Variants in MSH6 observed in about 807,000 individuals in gnomAD.
MSH6 encodes the protein DNA mismatch repair protein Msh6.
Under a neutral mutation model 119.1 loss-of-function variants are expected in MSH6, and 85 were observed. The observed-to-expected ratio is 0.71, with a 90% confidence interval of 0.60 to 0.85. The LOEUF (loss-of-function observed/expected upper bound fraction) is 0.85. MSH6 is among the 40% of genes least tolerant of loss of function. The pLI, the probability that MSH6 is intolerant of heterozygous loss-of-function variation, is 0.00. For missense variants in MSH6, 2,163 were observed against 1,655.3 expected, an observed-to-expected ratio of 1.31 and a Z score of -5.32; for synonymous variants, 830 against 586.9, an observed-to-expected ratio of 1.41 and a Z score of -5.99.
intron 8 of MSH6, 32 bp downstream of exon 8, chr2:47,806,390 GGTT>G (rs1271339184): frequency 6.2e-7 from 1 of 1,612,724 alleles, no homozygotes; most frequent in Non-Finnish European, 8.5e-7. Flanking sequence ...CCACAAATTC[GGTT>G]TTTTGAGAGG....
At chr2:47,796,318 G>A (rs1399887924) in intron 3 of MSH6, among the ~76,000 whole-genome samples, 1 of 152,150 alleles carries the variant, frequency 6.6e-6, no homozygotes, top group Non-Finnish European at 1.5e-5. Flanking sequence ...TACCATTTTG[G>A]TAAGAAGTAG....
chr2:47,808,605 A>G (rs768935042), downstream of MSH6: 3 of 519,312 alleles, frequency 5.8e-6, no homozygotes, highest in Admixed American at 3.6e-5. Context: ...TTTTCCTGTC[A>G]TCTGTGTCTT....
Position 47,805,600 on chromosome 2 carries a change from GA to G in MSH6, c.3557-17del, listed in dbSNP as rs778393939. On this transcript the variant is annotated splice_polypyrimidine_tract_variant and intron_variant, in intron 6 of 9. Transcript: ENST00000234420. ...ATTTGCAAAATGAGTATTCATTTGT[GA>G]TTTTTTTTTTTTTAAGGTGAAAGTA... The G allele has an allele frequency of 6.4e-5, 84 of 1,306,490 alleles. No homozygotes were observed. In the East Asian group the frequency reaches 1.7e-3, roughly 27 times the overall value. The allele number at this position is 1,306,490 out of a possible 1,614,324, so 80.9% of individuals were successfully genotyped here. A position where few individuals can be genotyped will look rare whatever the true frequency, so the allele number is the denominator to read the frequency against.
intron 1 of MSH6, among the ~76,000 whole-genome samples, chr2:47,790,412 A>G (rs867262814): frequency 1.2e-4 from 18 of 152,298 alleles, no homozygotes; most frequent in African/African-American, 4.1e-4. Context: ...GGGGAGGGTA[A>G]TAGAGTATTA....
At chr2:47,785,983 ACT>A (rs958106449) in intron 1 of MSH6, among the ~76,000 whole-genome samples, 8 of 152,236 alleles carry the variant, frequency 5.3e-5, no homozygotes, top group African/African-American at 1.9e-4. Flanking sequence ...TGTCTAGATC[ACT>A]CTGCCGAGCA....
intron 1 of MSH6, among the ~76,000 whole-genome samples, chr2:47,786,224 G>A (rs910467989): frequency 2.0e-5 from 3 of 152,166 alleles, no homozygotes; most frequent in African/African-American, 7.2e-5. Context: ...GAAAGGAGGA[G>A]GAGGGAGCAT....
At position 47,793,318 on chromosome 2, in the gene MSH6, C is replaced by CTCA. The variant is rs1441753856; in HGVS notation, c.457+2195_457+2196insTCA. On this transcript the variant is annotated intron_variant, in intron 2 of 9. Coordinates refer to ENST00000234420, the MANE Select transcript of MSH6 (RefSeq NM_000179.3). ...CCTGGGTGACAGAGCGAGACTGTCT[C>CTCA]AAAAAAAAAAAAAAAAAAAAAAAAA... 2.9e-3 allele frequency among the ~76,000 whole-genome samples: 140 copies of CTCA among 48,808 alleles called. 1 individual carries two copies. Among genetic ancestry groups the CTCA allele is most frequent in the African/African-American group, 7.1e-3 (84 of 11,750 alleles). The allele number at this position is 48,808 out of a possible 152,430, so 32.0% of individuals were successfully genotyped here.
downstream of MSH6, chr2:47,809,494 G>C: frequency 1.2e-6 from 1 of 836,744 alleles, no homozygotes; most frequent in Non-Finnish European, 1.9e-6. Context: ...ATCTTAAACT[G>C]TTGCTAACTT....
At chr2:47,794,964 T>G (rs1668981189) in intron 2 of MSH6, among the ~76,000 whole-genome samples, 1 of 152,106 alleles carries the variant, frequency 6.6e-6, no homozygotes, top group South Asian at 2.1e-4. Context: ...CCAGCTAATT[T>G]TTGTATTTTT....
rs1670110153 is a variant in MSH6, at chr2:47,806,523, G to T, written c.3873G>T (p.Lys1291Asn). ...TTACGTTCCTCTATAAATTCATTAA[G>T]GGAGCTTGTCCTAAAAGCTATGGCT... is the stretch of plus-strand genomic sequence containing the variant. ...ETITFLYKFI[K>N]GACPKSYGFN... Residue 1291 changes from lysine to asparagine, a missense_variant, in exon 9 of 10, where the codon AAG becomes AAT. Lys to Asn is a moderately conservative substitution (Grantham distance 94). Coordinates refer to ENST00000234420, the MANE Select transcript of MSH6 (RefSeq NM_000179.3). The T allele has an allele frequency of 6.2e-7, 1 of 1,613,966 alleles. No individual in the cohort carries two copies. Among genetic ancestry groups the T allele is most frequent in the Non-Finnish European group, 8.5e-7 (1 of 1,179,958 alleles).
rs1670210326 is a variant in MSH6, at chr2:47,806,790, T to C, written c.4013T>C (p.Leu1338Pro). Residue 1338 changes from leucine to proline, a missense_variant, in exon 10 of 10, where the codon CTG becomes CCG. Physicochemically the swap from Leu to Pro is moderately conservative, Grantham distance 98 (BLOSUM62 -3). Coordinates refer to ENST00000234420, the MANE Select transcript of MSH6 (RefSeq NM_000179.3). ...TTTTTAATTTTAAGGGAAGTTTGCC[T>C]GGCTAGTGAAAGGTCAACTGTAGAT... ...QSLRLFREVC[L>P]ASERSTVDAE... 6.2e-7 allele frequency: 1 copy of C among 1,605,042 alleles called. No homozygotes were observed. The highest frequency in any genetic ancestry group is 8.5e-7 in the Non-Finnish European group (1 of 1,176,124).
intron 2 of MSH6, among the ~76,000 whole-genome samples, chr2:47,795,488 CAG>C (rs1046147329): frequency 5.1e-5 from 7 of 136,058 alleles, no homozygotes; most frequent in Non-Finnish European, 7.8e-5. Context: ...TTCATCGAGA[CAG>C]GGTCTTGCAC....
rs773995995 is a variant in MSH6, at chr2:47,783,208, A to G, written c.-26A>G. On this transcript the variant is annotated 5_prime_UTR_variant, in exon 1 of 10. Coordinates refer to ENST00000234420, the MANE Select transcript of MSH6 (RefSeq NM_000179.3). ...GCTTTTAGGAGCTCCGTCCGACAGAACGGTTGGGCCTTGCCGGCTGTCGGT... is the reference window on the plus strand; with the variant it reads ...GCTTTTAGGAGCTCCGTCCGACAGAGCGGTTGGGCCTTGCCGGCTGTCGGT... 1.1e-5 allele frequency: 18 copies of G among 1,609,972 alleles called. No homozygotes were observed. In the East Asian group the frequency reaches 3.6e-4, roughly 32 times the overall value.
chr2:47,804,892 T>C lies in MSH6; in HGVS notation c.3439-18T>C. 6.3e-7 allele frequency: 1 copy of C among 1,591,010 alleles called. No individual in the cohort carries two copies. The highest frequency in any genetic ancestry group is 1.3e-5 in the African/African-American group (1 of 74,628). On this transcript the variant is annotated intron_variant, in intron 5 of 9. Transcript: ENST00000234420. ...GTTACTACCAGTCATAAAAGACCTT[T>C]TCCTCCCTCATTCACAGGCTGGCTT... is the stretch of plus-strand genomic sequence containing the variant.
chr2:47,785,448 CCT>C (rs1668295624), intron 1 of MSH6, among the ~76,000 whole-genome samples: 1 of 151,200 alleles, frequency 6.6e-6, no homozygotes, highest in South Asian at 2.1e-4. Flanking sequence ...AAACTGCTGA[CCT>C]CAAGTGGTCC....
In MSH6 at chr2:47,800,754, C is replaced by G. The variant is rs1553414130; in HGVS notation, c.2771C>G (p.Thr924Ser). The change falls in exon 4 of 10, where the codon ACT (threonine) becomes AGT (serine). Residue 924 changes from threonine to serine, a missense_variant. Thr to Ser is a moderately conservative substitution (Grantham distance 58). Transcript: ENST00000234420. ...TTTGACCATGAAAAGGCTCGAAAGACTGGACTTATTACTCCCAAAGCAGGC... is the reference window on the plus strand; with the variant it reads ...TTTGACCATGAAAAGGCTCGAAAGAGTGGACTTATTACTCCCAAAGCAGGC... ...TAFDHEKARK[T>S]GLITPKAGFD... 2 of 1,614,160 alleles carry G rather than the reference C, an allele frequency of 1.2e-6. No homozygotes were observed. The highest frequency in any genetic ancestry group is 2.2e-5 in the East Asian group (1 of 44,886).
rs876660097 is a variant in MSH6, at chr2:47,783,296, C to G, written c.63C>G (p.Asn21Lys). The G allele has an allele frequency of 1.2e-6, 2 of 1,612,188 alleles. No individual in the cohort carries two copies. Among genetic ancestry groups the G allele is most frequent in the Non-Finnish European group, 1.7e-6 (2 of 1,179,582 alleles). ...AGTCTCCGGCGCTGAGTGATGCCAA[C>G]AAGGCCTCGGCCAGGGCCTCACGCG... ...FPKSPALSDA[N>K]KASARASREG... Residue 21 changes from asparagine to lysine, a missense_variant, in exon 1 of 10, where the codon AAC becomes AAG. Physicochemically the swap from Asn to Lys is moderately conservative, Grantham distance 94. Coordinates refer to ENST00000234420, the MANE Select transcript of MSH6 (RefSeq NM_000179.3).
chr2:47,806,690 CTTAAG>C, intron 9 of MSH6, 39 bp downstream of exon 9: 2 of 1,590,314 alleles, frequency 1.3e-6, no homozygotes, highest in Non-Finnish European at 1.7e-6. Context: ...ACTAACTGAC[CTTAAG>C]TTTCAAAGAA....
At chr2:47,788,934 T>TTTTTTTTTTTTTTTTTG (rs1668554089) in intron 1 of MSH6, among the ~76,000 whole-genome samples, 1 of 99,650 alleles carries the variant, frequency 1.0e-5, no homozygotes, top group African/African-American at 4.5e-5. Context: ...TTTTTTTTTT[T>TTTTTTTTTTTTTTTTTG]TTTTTTTTTT....
Sources: gnomAD v4.1 joint callset for allele counts (sites outside exome capture counted in the v4.1 genomes callset) on GRCh38, gnomAD v4.1.1 for gene constraint, MANE v1.5 for transcripts, NCBI Gene and HGNC (gene_info 2026-07-23, HGNC 2026-07-21) for gene names.